The following NME9 variants were observed in gnomAD, a reference collection of about 807,000 sequenced individuals.
NME9 encodes NME/NM23 family member 9.
In NME9, 48 loss-of-function variants were observed where a neutral mutation model predicts 44.4. That is an observed-to-expected ratio of 1.08 (90% CI 0.86 to 1.37). The LOEUF is 1.37. Ranked by LOEUF, NME9 falls within the 40% of genes most tolerant of loss-of-function variation. The pLI is 0.00. For synonymous variants in NME9, 139 were observed against 147.1 expected (o/e 0.94, Z 0.40); for missense variants, 325 against 405.2 (o/e 0.80, Z 1.70).
Position 138,295,723 on chromosome 3 carries a change from G to A in NME9, c.745+7784C>T, listed in dbSNP as rs543722953. 46 of 811,286 alleles carry A rather than the reference G, an allele frequency of 5.7e-5. No homozygotes were observed. The Admixed American group carries it at 6.3e-4, about 11-fold the overall frequency. The allele number at this position is 811,286 out of a possible 1,614,324, so 50.3% of individuals were successfully genotyped here. A position where few individuals can be genotyped will look rare whatever the true frequency, so the allele number is the denominator to read the frequency against. On this transcript the variant is annotated intron_variant, in intron 8 of 8. Transcript: ENST00000317876. The stretch of plus-strand genomic sequence containing the variant: ...CAGATCTCTTCCCCTTAAGGTAGGT[G>A]CCCACCTGGGCTCACCCCAATTCCC...
chr3:138,287,633 G>A (rs560955089), intron 8 of NME9: 54 of 456,528 alleles, frequency 1.2e-4, no homozygotes, highest in Non-Finnish European at 2.0e-4. Flanking sequence ...TGTCTTAAGG[G>A]AGCCCAAACT....
intron 8 of NME9, among the ~76,000 whole-genome samples, chr3:138,282,160 T>C (rs1051975534): frequency 1.3e-5 from 2 of 152,202 alleles, no homozygotes; most frequent in Admixed American, 6.5e-5. Context: ...TTGGTGAGGA[T>C]TGGATCACTA....
At chr3:138,287,411 CT>C (rs2050536844) in intron 8 of NME9, among the ~76,000 whole-genome samples, 1 of 152,164 alleles carries the variant, frequency 6.6e-6, no homozygotes, top group Non-Finnish European at 1.5e-5. Flanking sequence ...TCAAAGAGAT[CT>C]GTTTTGTGCA....
intron 8 of NME9, chr3:138,274,422 A>T: frequency 6.9e-7 from 1 of 1,444,176 alleles, no homozygotes; most frequent in Non-Finnish European, 9.7e-7. Flanking sequence ...TTTCTTTGAT[A>T]ATTATGGATT....
chr3:138,274,874 T>C (rs1445582516), intron 8 of NME9, among the ~76,000 whole-genome samples: 3 of 152,148 alleles, frequency 2.0e-5, no homozygotes, highest in Non-Finnish European at 4.4e-5. Context: ...GATAAATAAA[T>C]AGTGGTTTCT....
chr3:138,324,382 G>T (rs1265059562), intron 2 of NME9: 1 of 443,830 alleles, frequency 2.3e-6, no homozygotes, highest in African/African-American at 2.0e-5. Context: ...ATCAATGTTT[G>T]TTGTTGTAAA....
At chr3:138,292,628 G>C (rs2051074743) in intron 8 of NME9, among the ~76,000 whole-genome samples, 1 of 152,200 alleles carries the variant, frequency 6.6e-6, no homozygotes. Context: ...CATATACCAA[G>C]ATGGTGAGGA....
At chr3:138,284,573 T>C (rs375005553) in intron 8 of NME9, 24 of 1,368,416 alleles carry the variant, frequency 1.8e-5, no homozygotes, top group Middle Eastern at 1.8e-4. Flanking sequence ...GCAGGGACTG[T>C]TGCATTTTTA....
intron 8 of NME9, chr3:138,295,907 G>A (rs915075860): frequency 6.2e-7 from 1 of 1,612,934 alleles, no homozygotes; most frequent in Non-Finnish European, 8.5e-7. Flanking sequence ...AGTGCCCCTG[G>A]GCACCTGCGA....
At chr3:138,321,448 A>G (rs2053457727) in intron 2 of NME9, among the ~76,000 whole-genome samples, 1 of 152,230 alleles carries the variant, frequency 6.6e-6, no homozygotes, top group African/African-American at 2.4e-5. Flanking sequence ...CCACTCATGA[A>G]GGGCACTACT....
intron 6 of NME9, among the ~76,000 whole-genome samples, chr3:138,311,137 A>G (rs1452183125): frequency 6.6e-6 from 1 of 152,160 alleles, no homozygotes; most frequent in Non-Finnish European, 1.5e-5. Flanking sequence ...AAATTTGAAA[A>G]CCTAAAAGAA....
chr3:138,285,703 G>A (rs1050346280), intron 8 of NME9, among the ~76,000 whole-genome samples: 1 of 152,124 alleles, frequency 6.6e-6, no homozygotes, highest in Admixed American at 6.6e-5. Flanking sequence ...TTACCACAGC[G>A]TAAGTTCCAT....
chr3:138,287,868 TATTGACCA>T, intron 8 of NME9: 1 of 297,652 alleles, frequency 3.4e-6, no homozygotes, highest in Non-Finnish European at 6.7e-6. Flanking sequence ...AAATTTTTTT[TATTGACCA>T]ATAGGACAAT....
At position 138,319,533 on chromosome 3, in the gene NME9, C is replaced by A; in HGVS notation, c.140G>T (p.Ser47Ile). The A allele has an allele frequency of 1.2e-6, 2 of 1,613,652 alleles. No homozygotes were observed. The highest frequency in any genetic ancestry group is 1.7e-6 in the Non-Finnish European group (2 of 1,179,612). Residue 47 changes from serine (S) to isoleucine (I), a missense_variant, in exon 3 of 11, where the codon AGC becomes ATC. Transcript: ENST00000333911. ...GWCGPCKPVV[S>I]LFQKMRIEVG... is the part of the protein sequence containing the mutation. ...CTCGATCCTCATCTTCTGGAAGAGG[C>A]TCACCACAGGTTTGCAGGGGCCACA...
intron 1 of NME9, 41 bp downstream of exon 1, chr3:138,329,262 G>A: frequency 1.3e-6 from 2 of 1,513,864 alleles, no homozygotes; most frequent in Non-Finnish European, 8.9e-7. Flanking sequence ...TCTTCCCCGA[G>A]CCCAACCCAG....
At chr3:138,272,735 C>T (rs557443279) in intron 8 of NME9, among the ~76,000 whole-genome samples, 44 of 152,138 alleles carry the variant, frequency 2.9e-4, no homozygotes, top group Non-Finnish European at 4.9e-4. Context: ...ATTAGCCAGG[C>T]GTGGTGGCTC....
chr3:138,311,835 C>T (rs2052724894), intron 6 of NME9, among the ~76,000 whole-genome samples: 3 of 152,108 alleles, frequency 2.0e-5, no homozygotes. Flanking sequence ...TCGAATAAGA[C>T]AAGGATGCCT....
chr3:138,262,429 C>A, exon 9 of NME9: 1 of 1,234,824 alleles, frequency 8.1e-7, no homozygotes, highest in South Asian at 1.6e-5. Flanking sequence ...TGATATTTTC[C>A]CTGATCATTG....
chr3:138,298,998 A>G (rs1050467515), downstream of NME9, among the ~76,000 whole-genome samples: 1 of 152,196 alleles, frequency 6.6e-6, no homozygotes, highest in Non-Finnish European at 1.5e-5. Context: ...CCTGTTTCCC[A>G]TAACTACCAC....
Sources: gnomAD v4.1 joint callset for allele counts (sites outside exome capture counted in the v4.1 genomes callset) on GRCh38, gnomAD v4.1.1 for gene constraint, MANE v1.5 for transcripts, NCBI Gene and HGNC (gene_info 2026-07-23, HGNC 2026-07-21) for gene names.